Variants in DIS3L2 observed in about 807,000 individuals in gnomAD.
DIS3L2 encodes the protein DIS3-like exonuclease 2.
A neutral mutation model predicts 97.5 loss-of-function variants in DIS3L2; 34 were observed. The observed-to-expected ratio is 0.35, with a 90% CI of 0.27 to 0.46. DIS3L2 has a LOEUF of 0.46. Ranked by LOEUF, DIS3L2 falls within the 20% of genes least tolerant of loss-of-function variation. The probability of loss-of-function intolerance (pLI) is 1.00; values close to 1 mark genes in which losing one functional copy is unlikely to be tolerated. For missense variants in DIS3L2, 1,038 were observed against 1,146.0 expected (o/e 0.91, Z 1.36); for synonymous variants, 435 against 445.2 (o/e 0.98, Z 0.29).
rs1553550758 is a variant in DIS3L2 at position 232,329,877 on chromosome 2, C to G, written c.1804C>G (p.Pro602Ala). Residue 602 changes from proline to alanine, a missense_variant, in exon 15 of 21, where the codon CCC becomes GCC. Transcript: ENST00000325385. ...AVAHKIHRAF[P>A]EQALLRRHPP... ...GGCCCACAAGATCCACCGCGCCTTC[C>G]CCGAGCAGGCCCTGCTGCGCCGGCA... The G allele has an allele frequency of 2.5e-6, 4 of 1,611,564 alleles. No individual in the cohort carries two copies. In the Admixed American group the frequency reaches 5.0e-5, roughly 20 times the overall value.
intron 13 of DIS3L2, among the ~76,000 whole-genome samples, chr2:232,285,742 T>C (rs7570112): frequency 0.21 from 31,239 of 150,626 alleles, 3,661 homozygotes; most frequent in African/African-American, 0.33. Flanking sequence ...TCCCTCACCT[T>C]TAAGATAGGA....
At chr2:232,074,291 A>G (rs772059136) in intron 5 of DIS3L2, among the ~76,000 whole-genome samples, 10 of 152,194 alleles carry the variant, frequency 6.6e-5, no homozygotes, top group Non-Finnish European at 1.3e-4. Flanking sequence ...TTGCTGTATC[A>G]TGAAGTATCT....
intron 12 of DIS3L2, among the ~76,000 whole-genome samples, chr2:232,261,366 C>G (rs1693706954): frequency 6.6e-6 from 1 of 152,204 alleles, no homozygotes; most frequent in Admixed American, 6.5e-5. Flanking sequence ...CTCTGTTCTG[C>G]TCATTCCAAA....
intron 14 of DIS3L2, chr2:232,307,821 A>T (rs1158348727): frequency 3.9e-5 from 6 of 152,242 alleles, no homozygotes; most frequent in African/African-American, 1.4e-4. Context: ...AATTGTACAG[A>T]ATAAAAAATA....
intron 13 of DIS3L2, among the ~76,000 whole-genome samples, chr2:232,342,226 CATAT>C (rs775038217): frequency 1.6e-4 from 24 of 149,352 alleles, no homozygotes; most frequent in Non-Finnish European, 2.7e-4. Flanking sequence ...TATACACATA[CATAT>C]ATACACATAC....
chr2:232,263,274 A>G lies in DIS3L2; in HGVS notation c.1493A>G (p.Gln498Arg). 6.2e-7 allele frequency: 1 copy of G among 1,614,232 alleles called. No homozygotes were observed. The highest frequency in any genetic ancestry group is 8.5e-7 in the Non-Finnish European group (1 of 1,180,038). Residue 498 changes from glutamine to arginine, a missense_variant, in exon 13 of 21, where the codon CAG becomes CGG. Physicochemically the swap from Gln to Arg is conservative, Grantham distance 43 (BLOSUM62 1). Transcript: ENST00000325385. ...SCTKLSYEHA[Q>R]SMIESPTEKI... ...ACCAAACTTAGCTACGAGCATGCAC[A>G]GAGCATGATTGAAAGCCCAACTGAG...
intron 5 of DIS3L2, among the ~76,000 whole-genome samples, chr2:232,065,848 G>A (rs570084748): frequency 2.0e-5 from 3 of 151,834 alleles, no homozygotes; most frequent in African/African-American, 7.2e-5. Flanking sequence ...ACAGGATTTT[G>A]TAGTTTTCAG....
chr2:232,074,571 C>CTTTTTT (rs66518544), intron 5 of DIS3L2, among the ~76,000 whole-genome samples: 3 of 104,168 alleles, frequency 2.9e-5, no homozygotes, highest in African/African-American at 7.4e-5. Context: ...ATCAAGGAAC[C>CTTTTTT]TTTTTTTTTT....
At chr2:232,141,347 G>A (rs550393983) in intron 8 of DIS3L2, among the ~76,000 whole-genome samples, 62 of 152,284 alleles carry the variant, frequency 4.1e-4, no homozygotes, top group African/African-American at 1.3e-3. Context: ...AGCAGCTACC[G>A]TGAGGAACTT....
intron 5 of DIS3L2, among the ~76,000 whole-genome samples, chr2:232,086,220 C>A (rs1037260225): frequency 1.3e-5 from 2 of 151,102 alleles, no homozygotes; most frequent in Non-Finnish European, 2.9e-5. Flanking sequence ...TATATACACA[C>A]GTATAGACGT....
chr2:232,256,283 G>A (rs1458596118), intron 12 of DIS3L2, among the ~76,000 whole-genome samples: 2 of 152,242 alleles, frequency 1.3e-5, no homozygotes, highest in East Asian at 3.9e-4. Flanking sequence ...CAGGAGAGAA[G>A]CTGCCTTTTA....
intron 6 of DIS3L2, 108 bp downstream of exon 6, chr2:232,087,829 A>G (rs1235965021): frequency 1.1e-6 from 1 of 887,426 alleles, no homozygotes; most frequent in African/African-American, 1.7e-5. Flanking sequence ...TATAGTCCTA[A>G]TTTTTGACCT....
At chr2:232,165,384 A>T (rs532238769) in intron 9 of DIS3L2, among the ~76,000 whole-genome samples, 11 of 152,218 alleles carry the variant, frequency 7.2e-5, no homozygotes, top group Non-Finnish European at 1.2e-4. Flanking sequence ...TATACACATC[A>T]AAGTATATAT....
At chr2:231,994,557 C>T (rs1322607682) in intron 1 of DIS3L2, among the ~76,000 whole-genome samples, 1 of 152,018 alleles carries the variant, frequency 6.6e-6, no homozygotes, top group Admixed American at 6.6e-5. Flanking sequence ...GATTTAGGCC[C>T]CTTTACCCTC....
intron 12 of DIS3L2, among the ~76,000 whole-genome samples, chr2:232,253,418 G>A (rs1363594566): frequency 6.6e-6 from 1 of 152,152 alleles, no homozygotes; most frequent in Non-Finnish European, 1.5e-5. Context: ...GGATCCCTAG[G>A]GGTACATGGA....
rs58242528 is a variant in DIS3L2 at position 232,155,988 on chromosome 2, T to TA, written c.951-7456dup. 1.6e-3 allele frequency among the ~76,000 whole-genome samples: 222 copies of TA among 137,218 alleles called. 1 individual carries two copies. Among genetic ancestry groups the TA allele is most frequent in the African/African-American group, 2.5e-3 (93 of 37,270 alleles). The allele number at this position is 137,218 out of a possible 152,430, so 90.0% of individuals were successfully genotyped here. A position where few individuals can be genotyped will look rare whatever the true frequency, so the allele number is the denominator to read the frequency against. On this transcript the variant is annotated intron_variant, in intron 8 of 20. Transcript: ENST00000325385. ...CTGGGCGACAGAGTGAGACTCCATC[T>TA]AAAAAAAAAAAAAAAGTTTTCTATT...
intron 14 of DIS3L2, among the ~76,000 whole-genome samples, chr2:232,309,568 C>T (rs1239776231): frequency 6.6e-6 from 1 of 152,086 alleles, no homozygotes; most frequent in Non-Finnish European, 1.5e-5. Flanking sequence ...GTCTCAATCT[C>T]CTGGGCTTAG....
intron 1 of DIS3L2, among the ~76,000 whole-genome samples, chr2:231,987,469 A>G (rs1469547904): frequency 6.6e-6 from 1 of 152,258 alleles, no homozygotes; most frequent in Non-Finnish European, 1.5e-5. Flanking sequence ...TTTAATGTGC[A>G]TCTGGAGGCA....
At chr2:232,071,957 G>T (rs1044731356) in intron 5 of DIS3L2, among the ~76,000 whole-genome samples, 3 of 152,168 alleles carry the variant, frequency 2.0e-5, no homozygotes, top group African/African-American at 2.4e-5. Flanking sequence ...CAGGGAATTT[G>T]TGGAGCTCTA....
Sources: gnomAD v4.1 joint callset for allele counts (sites outside exome capture counted in the v4.1 genomes callset) on GRCh38, gnomAD v4.1.1 for gene constraint, MANE v1.5 for transcripts, NCBI Gene and HGNC (gene_info 2026-07-23, HGNC 2026-07-21) for gene names.